The following ROBO2 variants were observed in gnomAD, a reference collection of about 807,000 sequenced individuals.
ROBO2 encodes roundabout guidance receptor 2, also known as roundabout homolog 2.
In ROBO2, 53 loss-of-function variants were observed where a neutral mutation model predicts 160.8. That is an observed-to-expected ratio of 0.33 (90% CI 0.26 to 0.41). The LOEUF (loss-of-function observed/expected upper bound fraction) is 0.41, where lower values mean the gene tolerates loss of function less well. ROBO2 is among the 10% of genes least tolerant of loss of function. The pLI is 1.00. For synonymous variants in ROBO2, 664 were observed against 611.7 expected (o/e 1.09, Z -1.26); for missense variants, 1,577 against 1,722.4 (o/e 0.92, Z 1.49).
At chr3:76,374,352 A>C (rs2076244805) in intron 2 of ROBO2, among the ~76,000 whole-genome samples, 2 of 152,082 alleles carry the variant, frequency 1.3e-5, no homozygotes, top group South Asian at 2.1e-4. Context: ...CCTTTCAAAA[A>C]CCCACATTTA....
At chr3:76,876,499 A>G (rs1046068914) in intron 2 of ROBO2, among the ~76,000 whole-genome samples, 1 of 151,792 alleles carries the variant, frequency 6.6e-6, no homozygotes, top group Non-Finnish European at 1.5e-5. Context: ...ACATGATAAA[A>G]CCCTGCCTCT....
At chr3:77,053,918 C>A (rs2065461751) in intron 1 of ROBO2, among the ~76,000 whole-genome samples, 1 of 152,096 alleles carries the variant, frequency 6.6e-6, no homozygotes, top group African/African-American at 2.4e-5. Context: ...AGTGTTATAT[C>A]CCAGTTTAAA....
intron 2 of ROBO2, among the ~76,000 whole-genome samples, chr3:75,982,750 G>T (rs1394380332): frequency 6.6e-6 from 1 of 151,334 alleles, no homozygotes; most frequent in African/African-American, 2.4e-5. Context: ...CTTGACTGTG[G>T]CAGTTGTCTG....
chr3:77,414,948 C>T (rs1366616834), intron 2 of ROBO2, among the ~76,000 whole-genome samples: 1 of 152,144 alleles, frequency 6.6e-6, no homozygotes, highest in Non-Finnish European at 1.5e-5. Context: ...GTATTGAGTG[C>T]TCCTGAAGAT....
intron 6 of ROBO2, among the ~76,000 whole-genome samples, chr3:77,543,783 A>G (rs1452802048): frequency 2.6e-5 from 4 of 152,178 alleles, no homozygotes; most frequent in Admixed American, 6.5e-5. Flanking sequence ...TAGAGTATCC[A>G]GGACTCTAAG....
chr3:77,393,063 G>A (rs1174917455), intron 2 of ROBO2, among the ~76,000 whole-genome samples: 1 of 152,094 alleles, frequency 6.6e-6, no homozygotes, highest in East Asian at 1.9e-4. Context: ...GTGTTAGGAA[G>A]AGCTCTGTTT....
At chr3:76,065,511 C>A (rs1473510386) in intron 2 of ROBO2, among the ~76,000 whole-genome samples, 1 of 151,846 alleles carries the variant, frequency 6.6e-6, no homozygotes. Flanking sequence ...GAAACAAAAT[C>A]TTTGGCAAAT....
chr3:77,522,685 C>G, intron 5 of ROBO2, 90 bp from the exon 6 acceptor site: 1 of 1,344,138 alleles, frequency 7.4e-7, no homozygotes, highest in Non-Finnish European at 1.0e-6. Flanking sequence ...AGGTAAAATA[C>G]AGTATAAAAA....
In ROBO2 at chr3:76,101,676, T is replaced by TCCTAATATACTATC. The variant is rs1273385033; in HGVS notation, c.109+164080_109+164081insATACTATCCCTAAT. Among the ~76,000 whole-genome samples, 264 of 151,230 alleles carry TCCTAATATACTATC rather than the reference T, an allele frequency of 1.7e-3. 1 individual carries two copies. The highest frequency in any genetic ancestry group is 2.8e-3 in the East Asian group (14 of 5,082). On this transcript the variant is annotated intron_variant, in intron 2 of 26. Transcript: ENST00000487694. The stretch of plus-strand genomic sequence containing the variant: ...ACTCGTCATTTACATGAGGTATATC[T>TCCTAATATACTATC]CCTAATGCTATCCCTCCCCCCTCCC...
intron 2 of ROBO2, among the ~76,000 whole-genome samples, chr3:77,151,455 T>C (rs907908274): frequency 6.6e-6 from 1 of 152,148 alleles, no homozygotes; most frequent in Middle Eastern, 3.2e-3. Flanking sequence ...ATTTTTGGCC[T>C]TTTCTTGTCT....
intron 2 of ROBO2, among the ~76,000 whole-genome samples, chr3:76,562,072 C>T (rs965083177): frequency 1.3e-5 from 2 of 151,980 alleles, no homozygotes; most frequent in African/African-American, 4.8e-5. Context: ...TAGCATCTGA[C>T]TATCTGGGAA....
At chr3:76,625,778 T>G (rs1176846662) in intron 2 of ROBO2, among the ~76,000 whole-genome samples, 1 of 152,170 alleles carries the variant, frequency 6.6e-6, no homozygotes, top group Non-Finnish European at 1.5e-5. Flanking sequence ...AAGGGAGTCG[T>G]ATCATACAGG....
chr3:77,557,853 T>C, intron 8 of ROBO2, 91 bp from the exon 10 acceptor site: 2 of 967,462 alleles, frequency 2.1e-6, no homozygotes, highest in East Asian at 2.4e-5. Context: ...ATATATTGTG[T>C]TGGGGCTTTA....
At chr3:76,150,870 T>A (rs2072169427) in intron 2 of ROBO2, among the ~76,000 whole-genome samples, 1 of 152,180 alleles carries the variant, frequency 6.6e-6, no homozygotes, top group Non-Finnish European at 1.5e-5. Flanking sequence ...TCCTACATGC[T>A]TGTGATAGAT....
chr3:77,373,032 G>GA (rs1345307885), intron 2 of ROBO2, among the ~76,000 whole-genome samples: 2 of 138,800 alleles, frequency 1.4e-5, no homozygotes, highest in Admixed American at 1.4e-4. Context: ...CATAAGTGAG[G>GA]AAAAAATTAT....
chr3:77,291,652 C>T (rs1367401228), intron 2 of ROBO2, among the ~76,000 whole-genome samples: 8 of 150,448 alleles, frequency 5.3e-5, no homozygotes, highest in African/African-American at 7.4e-5. Context: ...TAGATCACCC[C>T]AGACATAAAG....
intron 15 of ROBO2, among the ~76,000 whole-genome samples, chr3:77,578,282 C>T (rs981028950): frequency 1.3e-5 from 2 of 151,996 alleles, no homozygotes; most frequent in African/African-American, 4.8e-5. Context: ...AAATAAGATT[C>T]TGTTTGTGTT....
chr3:76,732,800 T>G (rs756984008), intron 2 of ROBO2, among the ~76,000 whole-genome samples: 5 of 152,090 alleles, frequency 3.3e-5, no homozygotes, highest in South Asian at 2.1e-4. Context: ...AGCAAACAGA[T>G]TTTACTTCTG....
chr3:77,107,587 G>A (rs2072984702), intron 2 of ROBO2, among the ~76,000 whole-genome samples: 1 of 152,156 alleles, frequency 6.6e-6, no homozygotes, highest in South Asian at 2.1e-4. Flanking sequence ...GGTATTATAA[G>A]TAATCAAGAG....
Sources: allele counts gnomAD v4.1 joint callset (sites outside exome capture counted in the v4.1 genomes callset), GRCh38; gene constraint gnomAD v4.1.1; transcripts MANE v1.5; gene names NCBI Gene and HGNC (gene_info 2026-07-23, HGNC 2026-07-21).